The following DNAJC6 variants were observed in gnomAD, a reference collection of about 807,000 sequenced individuals.
DNAJC6 encodes auxilin.
Under a neutral mutation model 110.0 loss-of-function variants are expected in DNAJC6, and 34 were observed. That is an observed-to-expected ratio of 0.31 (90% CI 0.24 to 0.41). The LOEUF is 0.41. Among genes scored for constraint, DNAJC6 ranks in the 10% least tolerant of loss-of-function variants. The pLI is 1.00. For synonymous variants in DNAJC6, 406 were observed against 437.2 expected, an observed-to-expected ratio of 0.93 and a Z score of 0.89; for missense variants, 1,031 against 1,207.8, an observed-to-expected ratio of 0.85 and a Z score of 2.17.
At chr1:65,412,859 A>G (rs1028981114) in intron 18 of DNAJC6, 65 bp from the exon 19 acceptor site, 2 of 1,370,292 alleles carry the variant, frequency 1.5e-6, no homozygotes, top group African/African-American at 2.9e-5. Context: ...ATTGGCAGTG[A>G]AAAATTTAAT....
intron 1 of DNAJC6, among the ~76,000 whole-genome samples, chr1:65,299,808 G>A (rs1644960871): frequency 6.6e-6 from 1 of 152,088 alleles, no homozygotes; most frequent in Non-Finnish European, 1.5e-5. Context: ...CCAGCACTTT[G>A]GGAGGCCGAG....
At chr1:65,350,056 G>T (rs984602471) in intron 1 of DNAJC6, among the ~76,000 whole-genome samples, 7 of 152,160 alleles carry the variant, frequency 4.6e-5, no homozygotes, top group Non-Finnish European at 7.4e-5. Flanking sequence ...AAGTGCCGAG[G>T]TTGAGACATT....
intron 1 of DNAJC6, among the ~76,000 whole-genome samples, chr1:65,352,436 A>C (rs899636575): frequency 1.3e-5 from 2 of 149,652 alleles, no homozygotes; most frequent in Admixed American, 6.6e-5. Context: ...AGTCCAATGC[A>C]CTATCCATTG....
chr1:65,404,614 A>C lies in DNAJC6; in HGVS notation c.2228-1256A>C, dbSNP rs1646058223. On this transcript the variant is annotated intron_variant, in intron 15 of 18. Transcript: ENST00000371069. ...AGAGCTGAGACTCAAACTCAGATTGATGGTAAGTCCAGTGATCATGATGCA... is the reference window on the plus strand; with the variant it reads ...AGAGCTGAGACTCAAACTCAGATTGCTGGTAAGTCCAGTGATCATGATGCA... Among the ~76,000 whole-genome samples, 3 of 152,230 alleles carry C rather than the reference A, an allele frequency of 2.0e-5. No homozygotes were observed. The South Asian group carries it at 6.2e-4, about 32-fold the overall frequency.
intron 4 of DNAJC6, among the ~76,000 whole-genome samples, chr1:65,375,490 A>G (rs932451649): frequency 4.0e-5 from 6 of 148,608 alleles, no homozygotes; most frequent in African/African-American, 1.5e-4. Flanking sequence ...CAGTTGTGCG[A>G]TCTCGGCTCA....
At chr1:65,315,070 T>C (rs1645136588) in intron 1 of DNAJC6, among the ~76,000 whole-genome samples, 1 of 152,170 alleles carries the variant, frequency 6.6e-6, no homozygotes, top group African/African-American at 2.4e-5. Context: ...TTCTTTTTAT[T>C]TGGGCAAAAT....
chr1:65,395,562 A>G (rs1195811191), intron 13 of DNAJC6, among the ~76,000 whole-genome samples: 1 of 152,194 alleles, frequency 6.6e-6, no homozygotes, highest in East Asian at 1.9e-4. Flanking sequence ...GATACACTCC[A>G]AGTATAAAAT....
intron 1 of DNAJC6, among the ~76,000 whole-genome samples, chr1:65,348,165 C>G (rs1217468324): frequency 4.6e-5 from 7 of 152,152 alleles, no homozygotes; most frequent in Admixed American, 4.6e-4. Context: ...ATCATTATGC[C>G]TTAAAGCACT....
At chr1:65,307,911 A>T (rs1232380069), upstream of DNAJC6, among the ~76,000 whole-genome samples, 1 of 152,160 alleles carries the variant, frequency 6.6e-6, no homozygotes, top group Non-Finnish European at 1.5e-5. Flanking sequence ...GTCACACCAT[A>T]CCTCATCAAA....
Position 65,335,357 on chromosome 1 carries a change from G to A in DNAJC6, c.193+25419G>A, listed in dbSNP as rs894385620. 4.0e-5 allele frequency among the ~76,000 whole-genome samples: 6 copies of A among 151,170 alleles called. No individual in the cohort carries two copies. In the East Asian group the frequency reaches 1.2e-3, roughly 30 times the overall value. On this transcript the variant is annotated intron_variant, in intron 1 of 18. Transcript: ENST00000371069. ...TCTTGATCTCCTGACTTTGTGATCC[G>A]CCTGCCTTGACCTCCCAAAGTGCTG...
At chr1:65,336,534 A>C (rs1352392944) in intron 1 of DNAJC6, among the ~76,000 whole-genome samples, 1 of 152,236 alleles carries the variant, frequency 6.6e-6, no homozygotes, top group African/African-American at 2.4e-5. Flanking sequence ...CCATGTCCCC[A>C]TTACTCAGCT....
rs1645868641 is a variant in DNAJC6, at chr1:65,386,013, T to C, written c.995+107T>C. The C allele has an allele frequency of 9.8e-6, 11 of 1,117,976 alleles. No homozygotes were observed. The East Asian group carries it at 2.6e-4, about 26-fold the overall frequency. The allele number at this position is 1,117,976 out of a possible 1,614,324, so 69.3% of individuals were successfully genotyped here. A position where few individuals can be genotyped will look rare whatever the true frequency, so the allele number is the denominator to read the frequency against. On this transcript the variant is annotated intron_variant, in intron 7 of 18. Transcript: ENST00000371069. ...CCTGCAAGACTATATCATTGTGAAA[T>C]AGCTGATATATAAAAAATGTTCAAC...
intron 1 of DNAJC6, among the ~76,000 whole-genome samples, chr1:65,359,746 G>T (rs1482263137): frequency 6.6e-6 from 1 of 152,206 alleles, no homozygotes; most frequent in Non-Finnish European, 1.5e-5. Flanking sequence ...GGGCCAGAGA[G>T]TAAATGCTTT....
chr1:65,309,896 G>T lies in DNAJC6; in HGVS notation c.151G>T (p.Ala51Ser), dbSNP rs1391601157. The T allele has an allele frequency of 1.3e-6, 2 of 1,540,656 alleles. No homozygotes were observed. The highest frequency in any genetic ancestry group is 1.8e-6 in the Non-Finnish European group (2 of 1,142,052). Residue 51 changes from alanine to serine, a missense_variant, in exon 1 of 19, where the codon GCC (alanine) becomes TCC (serine). Coordinates refer to ENST00000371069, the MANE Select transcript of DNAJC6 (RefSeq NM_001256864.2). ...CGCCGGGGCAGCGGCGCGGAGTCCC[G>T]CCCGACAGCCTCCGGACCGCGCCAG... ...VNAGAAARSP[A>S]RQPPDRASTM...
intron 5 of DNAJC6, among the ~76,000 whole-genome samples, chr1:65,383,617 T>C (rs558718210): frequency 4.6e-5 from 7 of 152,260 alleles, no homozygotes; most frequent in Admixed American, 1.3e-4. Flanking sequence ...ATCTCCACTC[T>C]CCCTACCTCA....
chr1:65,403,022 T>C (rs1193351237), intron 15 of DNAJC6, among the ~76,000 whole-genome samples: 1 of 152,198 alleles, frequency 6.6e-6, no homozygotes, highest in Non-Finnish European at 1.5e-5. Flanking sequence ...AGGACTGTTT[T>C]AGTAAAAAAA....
rs141618831 is a variant in DNAJC6 at position 65,409,622 on chromosome 1, G to A, written c.2634+839G>A. Among the ~76,000 whole-genome samples, 893 of 152,120 alleles carry A rather than the reference G, an allele frequency of 5.9e-3. 8 individuals are homozygous for A. The highest frequency in any genetic ancestry group is 9.7e-3 in the Non-Finnish European group (662 of 67,972). ...AAGCCCCCAGGATCTTTTCTCTACC[G>A]ATAGAGAAATATTTATGTACCTGAG... is the stretch of plus-strand genomic sequence containing the variant. On this transcript the variant is annotated intron_variant, in intron 17 of 18. Coordinates refer to ENST00000371069, the MANE Select transcript of DNAJC6 (RefSeq NM_001256864.2).
intron 1 of DNAJC6, among the ~76,000 whole-genome samples, chr1:65,356,369 C>T (rs554265728): frequency 4.7e-4 from 72 of 151,848 alleles, no homozygotes; most frequent in African/African-American, 1.6e-3. Flanking sequence ...GTTAGGAGTT[C>T]GAGACCAGCC....
intron 14 of DNAJC6, among the ~76,000 whole-genome samples, chr1:65,399,418 G>A (rs1463483620): frequency 2.0e-5 from 3 of 152,256 alleles, no homozygotes; most frequent in Middle Eastern, 3.4e-3. Flanking sequence ...GCTGTCTTGT[G>A]TGACTGCTCC....
Sources: gnomAD v4.1 joint callset for allele counts (sites outside exome capture counted in the v4.1 genomes callset) on GRCh38, gnomAD v4.1.1 for gene constraint, MANE v1.5 for transcripts, NCBI Gene and HGNC (gene_info 2026-07-23, HGNC 2026-07-21) for gene names.